The following CACNA2D2 variants were observed in gnomAD, a reference collection of about 807,000 sequenced individuals.
CACNA2D2 encodes voltage-dependent calcium channel subunit alpha-2/delta-2.
In CACNA2D2, 48 loss-of-function variants were observed where a neutral mutation model predicts 166.4. The ratio of observed to expected loss-of-function variants is 0.29; its 90% confidence interval spans 0.23 to 0.37. The LOEUF (loss-of-function observed/expected upper bound fraction) is 0.37, where lower values mean the gene tolerates loss of function less well. Among genes scored for constraint, CACNA2D2 ranks in the 10% least tolerant of loss-of-function variants. The pLI, the probability that CACNA2D2 is intolerant of heterozygous loss-of-function variation, is 1.00. For missense variants in CACNA2D2, 1,122 were observed against 1,433.0 expected (o/e 0.78, Z 3.50); for synonymous variants, 561 against 573.7 (o/e 0.98, Z 0.32).
At chr3:50,444,255 T>TG (rs1245535887) in intron 2 of CACNA2D2, among the ~76,000 whole-genome samples, 1 of 152,196 alleles carries the variant, frequency 6.6e-6, no homozygotes, top group Non-Finnish European at 1.5e-5. Flanking sequence ...GGTCAGCAGC[T>TG]GGCTGGCTTT....
At chr3:50,400,621 G>C (rs1030710929) in intron 3 of CACNA2D2, among the ~76,000 whole-genome samples, 1 of 152,246 alleles carries the variant, frequency 6.6e-6, no homozygotes, top group Non-Finnish European at 1.5e-5. Context: ...TGAGGGCCGA[G>C]CAGGGTCCGT....
rs1205495728 is a variant in CACNA2D2 at position 50,375,875 on chromosome 3, A to C, written c.1779T>G (p.Arg593=). 4 of 1,612,546 alleles carry C rather than the reference A, an allele frequency of 2.5e-6. No homozygotes were observed. Among genetic ancestry groups the C allele is most frequent in the Non-Finnish European group, 3.4e-6 (4 of 1,179,866 alleles). The change falls in exon 20 of 38, where the codon CGT becomes CGG. Residue 593 remains arginine (R), a synonymous_variant. Transcript: ENST00000424201. This position sits in a 1 kb window ranked among gnomAD's most constrained non-coding sequence, Gnocchi z 4.0. The part of the protein sequence containing the change: ...ELEDENKEEI[R]RSMIDGNKGH... ...CCTTGTTGCCATCAATCATGCTCCG[A>C]CGGATCTGGAAGGGCCAGAGATGTG... is the stretch of plus-strand genomic sequence containing the variant.
At chr3:50,432,130 G>A (rs945406487) in intron 3 of CACNA2D2, among the ~76,000 whole-genome samples, 2 of 152,180 alleles carry the variant, frequency 1.3e-5, no homozygotes, top group African/African-American at 2.4e-5. Flanking sequence ...GGGGTGCAGG[G>A]AGAGGGTTGG....
At chr3:50,476,335 G>A (rs1697765529) in intron 1 of CACNA2D2, 136 bp from the exon 2 acceptor site, 5 of 661,940 alleles carry the variant, frequency 7.6e-6, no homozygotes, top group Admixed American at 2.3e-5. Context: ...CCCACAGCAA[G>A]GAACCAGCAA....
At chr3:50,414,988 G>A (rs1354048741) in intron 3 of CACNA2D2, among the ~76,000 whole-genome samples, 1 of 152,232 alleles carries the variant, frequency 6.6e-6, no homozygotes, top group South Asian at 2.1e-4. Flanking sequence ...CACTGAGGAG[G>A]AGGGAAAGCC....
chr3:50,501,593 CA>C (rs1698966334), intron 1 of CACNA2D2, among the ~76,000 whole-genome samples: 1 of 152,260 alleles, frequency 6.6e-6, no homozygotes, highest in East Asian at 1.9e-4. Flanking sequence ...CGTGCAGGCC[CA>C]GAAGCCATCT....
intron 22 of CACNA2D2, among the ~76,000 whole-genome samples, chr3:50,371,628 A>G (rs1473882640): frequency 6.6e-6 from 1 of 152,100 alleles, no homozygotes; most frequent in Non-Finnish European, 1.5e-5. Flanking sequence ...TACTCCCACA[A>G]TGCACTGCAA....
chr3:50,388,630 C>T (rs1172359696), intron 4 of CACNA2D2, among the ~76,000 whole-genome samples: 2 of 152,210 alleles, frequency 1.3e-5, no homozygotes, highest in African/African-American at 2.4e-5. Context: ...AGATGTCGCC[C>T]GGACACCCGC....
intron 1 of CACNA2D2, among the ~76,000 whole-genome samples, chr3:50,492,285 G>C (rs1201972601): frequency 2.0e-5 from 3 of 152,250 alleles, no homozygotes; most frequent in Admixed American, 6.5e-5. Context: ...ACTCATGCCA[G>C]CACTATCTTC....
At chr3:50,373,346 G>A (rs587683918) in intron 22 of CACNA2D2, among the ~76,000 whole-genome samples, 2 of 150,440 alleles carry the variant, frequency 1.3e-5, no homozygotes, top group African/African-American at 2.5e-5. Context: ...CGGTGGGGCC[G>A]GAGCCCCAGC....
At chr3:50,468,442 G>GTGTGTGTGTGT (rs1553751798) in intron 2 of CACNA2D2, among the ~76,000 whole-genome samples, 8 of 52,590 alleles carry the variant, frequency 1.5e-4, no homozygotes, top group South Asian at 6.3e-4. Flanking sequence ...TGTGTGTGTG[G>GTGTGTGTGTGT]CTTTAGGAAA....
At chr3:50,416,875 G>A (rs1273299224) in intron 3 of CACNA2D2, among the ~76,000 whole-genome samples, 1 of 152,224 alleles carries the variant, frequency 6.6e-6, no homozygotes, top group Non-Finnish European at 1.5e-5. Flanking sequence ...GTGTGTGTGT[G>A]TGCCCATCGG....
chr3:50,502,759 G>A (rs1029762610), intron 1 of CACNA2D2, among the ~76,000 whole-genome samples: 5 of 152,264 alleles, frequency 3.3e-5, no homozygotes, highest in East Asian at 1.9e-4. Context: ...GAAGGCAGGT[G>A]TGGAGATGTC....
chr3:50,454,968 G>A lies in CACNA2D2; in HGVS notation c.289-20539C>T, dbSNP rs1190379020. 2.6e-5 allele frequency among the ~76,000 whole-genome samples: 4 copies of A among 152,098 alleles called. No homozygotes were observed. The East Asian group carries it at 7.7e-4, about 29-fold the overall frequency. On this transcript the variant is annotated intron_variant, in intron 2 of 37. Transcript: ENST00000424201. Reference sequence around the variant, plus strand: ...TTGAAGCCACCCAGCATTTCCAGGCGTCCAATCCCAAAAGTCTTCCCAGCT... The same window carrying A: ...TTGAAGCCACCCAGCATTTCCAGGCATCCAATCCCAAAAGTCTTCCCAGCT...
intron 2 of CACNA2D2, among the ~76,000 whole-genome samples, chr3:50,472,100 C>G (rs952157315): frequency 6.6e-6 from 1 of 152,198 alleles, no homozygotes; most frequent in Non-Finnish European, 1.5e-5. Context: ...GGGGCGGCCC[C>G]GGGTAGCTCC....
chr3:50,377,893 T>C, intron 15 of CACNA2D2, 90 bp from the exon 16 acceptor site: 2 of 1,484,404 alleles, frequency 1.3e-6, no homozygotes, highest in Non-Finnish European at 1.9e-6. Context: ...GCAGGCCACC[T>C]CTTTCTCCTG....
chr3:50,365,512 C>G lies in CACNA2D2; in HGVS notation c.2972-30G>C. On this transcript the variant is annotated intron_variant, in intron 34 of 37. Coordinates refer to ENST00000424201, the MANE Select transcript of CACNA2D2 (RefSeq NM_006030.4). This position sits in a 1 kb window ranked among gnomAD's most constrained non-coding sequence, Gnocchi z 4.5. The stretch of plus-strand genomic sequence containing the variant: ...GAGGGCCCAGAGCGCCTCAGCTCCG[C>G]CCACAGACCCTGGCAAGGTCTCCGG... 2 of 1,608,890 alleles carry G rather than the reference C, an allele frequency of 1.2e-6. No homozygotes were observed. Among genetic ancestry groups the G allele is most frequent in the Non-Finnish European group, 1.7e-6 (2 of 1,177,870 alleles).
intron 2 of CACNA2D2, among the ~76,000 whole-genome samples, chr3:50,447,765 C>T (rs1708918819): frequency 6.6e-6 from 1 of 152,142 alleles, no homozygotes; most frequent in South Asian, 2.1e-4. Context: ...TGCCTGCTTG[C>T]CCAGAACTCC....
At position 50,367,033 on chromosome 3, in the gene CACNA2D2, G is replaced by C. The variant is rs1350201372; in HGVS notation, c.2478C>G (p.Gly826=). The change falls in exon 28 of 38, where the codon GGC becomes GGG. Residue 826 remains glycine, a synonymous_variant. Transcript: ENST00000424201. This position sits in a 1 kb window ranked among gnomAD's most constrained non-coding sequence, Gnocchi z 6.5. The part of the protein sequence containing the change: ...LVSTAVELSL[G]RRTLRPAVVG... ...CACCTGCTGGCCTCAGTGTGCGCCTGCCTAGGCTGAGCTCCACAGCTGTGC... is the reference window on the plus strand; with the variant it reads ...CACCTGCTGGCCTCAGTGTGCGCCTCCCTAGGCTGAGCTCCACAGCTGTGC... 1.2e-6 allele frequency: 2 copies of C among 1,613,788 alleles called. No homozygotes were observed. Among genetic ancestry groups the C allele is most frequent in the Admixed American group, 1.7e-5 (1 of 60,028 alleles).
Sources: gnomAD v4.1 joint callset for allele counts (sites outside exome capture counted in the v4.1 genomes callset) on GRCh38, gnomAD v4.1.1 for gene constraint, Gnocchi (gnomAD v3.1) non-coding constraint, MANE v1.5 for transcripts, NCBI Gene and HGNC (gene_info 2026-07-23, HGNC 2026-07-21) for gene names.